MED8: variants seen among roughly 807,000 people sequenced by gnomAD.
The protein encoded by MED8 is mediator complex subunit 8, also known as mediator of RNA polymerase II transcription subunit 8.
Under a neutral mutation model 34.8 loss-of-function variants are expected in MED8, and 22 were observed. The observed-to-expected ratio is 0.63, with a 90% CI of 0.45 to 0.90. The LOEUF (loss-of-function observed/expected upper bound fraction) is 0.90, where lower values mean the gene tolerates loss of function less well. Among genes scored for constraint, MED8 ranks in the 40% least tolerant of loss-of-function variants. The pLI is 0.00. For synonymous variants in MED8, 105 were observed against 120.2 expected (o/e 0.87, Z 0.83); for missense variants, 260 against 326.3 (o/e 0.80, Z 1.57).
In MED8 at chr1:43,386,477, C is replaced by A. The variant is rs974929713; in HGVS notation, c.493+112G>T. 7 of 1,259,048 alleles carry A rather than the reference C, an allele frequency of 5.6e-6. No individual in the cohort carries two copies. Among genetic ancestry groups the A allele is most frequent in the Non-Finnish European group, 7.8e-6 (7 of 894,016 alleles). The allele number at this position is 1,259,048 out of a possible 1,614,324, so 78.0% of individuals were successfully genotyped here. On this transcript the variant is annotated intron_variant, in intron 5 of 6. Transcript: ENST00000372457. This position sits in a 1 kb window ranked among gnomAD's most constrained non-coding sequence, Gnocchi z 4.9. ...AAAGGCTAACAGAATGGATACAAACCCCAAAGCAGTTCACCCTTGTGTCCT... is the reference window on the plus strand; with the variant it reads ...AAAGGCTAACAGAATGGATACAAACACCAAAGCAGTTCACCCTTGTGTCCT...
chr1:43,384,991 C>T lies in MED8; in HGVS notation c.*51G>A, dbSNP rs556818192. 103 of 1,534,898 alleles carry T rather than the reference C, an allele frequency of 6.7e-5. No homozygotes were observed. The South Asian group carries it at 1.2e-3, about 18-fold the overall frequency. On this transcript the variant is annotated 3_prime_UTR_variant, in exon 7 of 7. Transcript: ENST00000372457. ...GTGAGCCTTGAGCAAAAGGTAATTT[C>T]ACTGCCCAACTCTGCAAAGAGCACC...
At chr1:43,388,176 G>A (rs192017083) in intron 2 of MED8, 134 bp downstream of exon 2, 2 of 874,812 alleles carry the variant, frequency 2.3e-6, no homozygotes, top group Non-Finnish European at 1.7e-6. Flanking sequence ...TAAATGTTAG[G>A]AAACCCAGCT....
At position 43,387,790 on chromosome 1, in the gene MED8, A is replaced by T. The variant is rs576728836; in HGVS notation, c.126-143T>A. On this transcript the variant is annotated intron_variant, in intron 2 of 6. Coordinates refer to ENST00000372457, the MANE Select transcript of MED8 (RefSeq NM_201542.5). ...CCCTATGACTAGCCTAAGTGGGAAC[A>T]GACTAACAGGGATGACAGGGCTATG... is the stretch of plus-strand genomic sequence containing the variant. The T allele has an allele frequency of 1.7e-5, 14 of 836,746 alleles. No homozygotes were observed. The African/African-American group carries it at 2.2e-4, about 13-fold the overall frequency. 51.8% of individuals were successfully genotyped at this position (836,746 alleles called of 1,614,324 possible).
At chr1:43,385,905 G>A in intron 6 of MED8, 73 bp downstream of exon 6, 1 of 1,590,146 alleles carries the variant, frequency 6.3e-7, no homozygotes. Flanking sequence ...AGATGCTGGA[G>A]GCCCAGATAA....
intron 2 of MED8, 103 bp from the exon 3 acceptor site, chr1:43,387,750 C>G: frequency 7.4e-7 from 1 of 1,342,306 alleles, no homozygotes; most frequent in Non-Finnish European, 1.0e-6. Flanking sequence ...GGATTCACCT[C>G]CAAAAGTCTC....
intron 1 of MED8, 47 bp downstream of exon 1, chr1:43,389,712 T>G (rs762057694): frequency 1.2e-6 from 2 of 1,602,300 alleles, no homozygotes; most frequent in Middle Eastern, 1.7e-4. Context: ...TCTCGGTCCC[T>G]GTACCCGAAG....
At chr1:43,385,179 A>G (rs777747358) in intron 6 of MED8, 73 bp from the exon 7 acceptor site, 17 of 1,529,540 alleles carry the variant, frequency 1.1e-5, no homozygotes, top group Non-Finnish European at 1.5e-5. Context: ...GTGGTACCTC[A>G]GGTTCCCTCT....
intron 2 of MED8, among the ~76,000 whole-genome samples, chr1:43,388,075 G>A (rs1195223324): frequency 3.3e-5 from 5 of 152,224 alleles, no homozygotes; most frequent in African/African-American, 1.2e-4. Context: ...CTCCTCACCA[G>A]AGAAGTCAAA....
chr1:43,388,362 A>C lies in MED8; in HGVS notation c.73T>G (p.Ser25Ala). 1 of 1,613,702 alleles carries C rather than the reference A, an allele frequency of 6.2e-7. No individual in the cohort carries two copies. Among genetic ancestry groups the C allele is most frequent in the Non-Finnish European group, 8.5e-7 (1 of 1,179,876 alleles). Residue 25 changes from serine to alanine, a missense_variant, in exon 2 of 7, where the codon TCT becomes GCT. Coordinates refer to ENST00000372457, the MANE Select transcript of MED8 (RefSeq NM_201542.5). ...LLSQVADLKNSLGSFICKLEN... is the reference protein window; with the variant it reads ...LLSQVADLKNALGSFICKLEN... ...AACTTGCAAATGAAACTCCCCAGAGAGTTCTTCAGATCAGCCACTTGACTC... is the reference window on the plus strand; with the variant it reads ...AACTTGCAAATGAAACTCCCCAGAGCGTTCTTCAGATCAGCCACTTGACTC...
In MED8 at chr1:43,386,918, C is replaced by T; in HGVS notation, c.351G>A (p.Val117=). ...TCGTCAGTTGCTTCTCCTGTTCTTC[C>T]ACTTCAGGGTCAGGCTTGGTTCTCA... ...DHLRTKPDPE[V]EEQEKQLTTD... The change falls in exon 4 of 7, where the codon GTG becomes GTA. Residue 117 remains valine, a synonymous_variant. Transcript: ENST00000372457. The surrounding 1 kb of genome is among the most constrained non-coding windows in gnomAD (Gnocchi z 4.9). The T allele has an allele frequency of 6.2e-7, 1 of 1,614,018 alleles. No individual in the cohort carries two copies. Among genetic ancestry groups the T allele is most frequent in the South Asian group, 1.1e-5 (1 of 91,092 alleles).
chr1:43,387,202 TA>T (rs1647764701), intron 3 of MED8, among the ~76,000 whole-genome samples: 1 of 152,156 alleles, frequency 6.6e-6, no homozygotes. Context: ...CTACCAGACC[TA>T]GGGGCAAATT....
At chr1:43,387,804 G>A (rs1299979478) in intron 2 of MED8, 157 bp from the exon 3 acceptor site, 3 of 750,074 alleles carry the variant, frequency 4.0e-6, no homozygotes, top group Admixed American at 5.2e-5. Flanking sequence ...TAACAGGGAT[G>A]ACAGGGCTAT....
intron 3 of MED8, 56 bp downstream of exon 3, chr1:43,387,447 A>T (rs919828362): frequency 6.3e-7 from 1 of 1,582,380 alleles, no homozygotes; most frequent in African/African-American, 1.4e-5. Flanking sequence ...CCTAAATACT[A>T]AAGAAGCCTA....
chr1:43,387,422 T>C, intron 3 of MED8, 81 bp downstream of exon 3: 2 of 1,519,008 alleles, frequency 1.3e-6, no homozygotes, highest in Non-Finnish European at 1.8e-6. Flanking sequence ...GGCTCTCAGC[T>C]AATAACTTAA....
chr1:43,386,084 C>T lies in MED8; in HGVS notation c.636G>A (p.Thr212=), dbSNP rs776989822. 5 of 1,614,002 alleles carry T rather than the reference C, an allele frequency of 3.1e-6. No homozygotes were observed. Among genetic ancestry groups the T allele is most frequent in the African/African-American group, 1.3e-5 (1 of 75,060 alleles). The change falls in exon 6 of 7, where the codon ACG becomes ACA. Residue 212 remains threonine (T), a synonymous_variant. Coordinates refer to ENST00000372457, the MANE Select transcript of MED8 (RefSeq NM_201542.5). This position sits in a 1 kb window ranked among gnomAD's most constrained non-coding sequence, Gnocchi z 4.9. ...GTAATCCTGAGGTTCCTGCAAGGAT[C>T]GTCCCAGCTCCTGGCTGGCCTGCCT... ...PGQAGQPGAG[T]ILAGTSGLQQ...
Position 43,388,330 on chromosome 1 carries a change from G to A in MED8, c.105C>T (p.Asn35=), listed in dbSNP as rs767876589. The change falls in exon 2 of 7, where the codon AAC becomes AAT. Residue 35 remains asparagine (N), a synonymous_variant. Coordinates refer to ENST00000372457, the MANE Select transcript of MED8 (RefSeq NM_201542.5). The part of the protein sequence containing the change: ...SLGSFICKLE[N]EYGRLTWPSV... ...CTTACCAGGTCAGCCGGCCATACTC[G>A]TTCTCCAACTTGCAAATGAAACTCC... The A allele has an allele frequency of 2.5e-6, 4 of 1,613,286 alleles. No individual in the cohort carries two copies. The Admixed American group carries it at 5.0e-5, about 20-fold the overall frequency.
chr1:43,388,658 C>T, intron 1 of MED8: 1 of 563,830 alleles, frequency 1.8e-6, no homozygotes, highest in South Asian at 2.3e-5. Flanking sequence ...CAACTGATTC[C>T]TTTTCCCCAT....
intron 3 of MED8, 114 bp downstream of exon 3, chr1:43,387,389 C>T: frequency 7.2e-7 from 1 of 1,389,380 alleles, no homozygotes; most frequent in Non-Finnish European, 9.7e-7. Context: ...GAACAAAAAG[C>T]AAGGCCTCCA....
Position 43,384,514 on chromosome 1 carries a change from C to A in MED8, c.*528G>T, listed in dbSNP as rs1162120381. 4.3e-6 allele frequency: 7 copies of A among 1,611,934 alleles called. No homozygotes were observed. In the East Asian group the frequency reaches 6.7e-5, roughly 15 times the overall value. On this transcript the variant is annotated 3_prime_UTR_variant, in exon 7 of 7. Transcript: ENST00000372457. ...GCCCAGAAGCTTCTTCACCTTGCGC[C>A]TTAGAGGGATAGCCAGAATGAAACC...
Sources: allele counts gnomAD v4.1 joint callset (sites outside exome capture counted in the v4.1 genomes callset), GRCh38; gene constraint gnomAD v4.1.1; non-coding constraint Gnocchi (gnomAD v3.1); transcripts MANE v1.5; gene names NCBI Gene and HGNC (gene_info 2026-07-23, HGNC 2026-07-21).